The following CRB2 variants were observed in gnomAD, a reference collection of about 807,000 sequenced individuals.
The protein encoded by CRB2 is crumbs cell polarity complex component 2, also known as protein crumbs homolog 2.
In CRB2, 85 loss-of-function variants were observed where a neutral mutation model predicts 110.9. That is an observed-to-expected ratio of 0.77 (90% CI 0.64 to 0.92). CRB2 has a LOEUF of 0.92. CRB2 is among the 40% of genes least tolerant of loss of function. The pLI is 0.00. For missense variants in CRB2, 1,843 were observed against 1,851.3 expected, an observed-to-expected ratio of 1.00 and a Z score of 0.08; for synonymous variants, 907 against 831.0, an observed-to-expected ratio of 1.09 and a Z score of -1.57.
chr9:123,363,618 A>T (rs1239807845), intron 2 of CRB2, among the ~76,000 whole-genome samples: 1 of 151,418 alleles, frequency 6.6e-6, no homozygotes. Context: ...TCATTTGAAC[A>T]CTCCTGATGT....
chr9:123,357,398 T>C (rs571892053), intron 1 of CRB2, among the ~76,000 whole-genome samples: 3 of 152,032 alleles, frequency 2.0e-5, no homozygotes, highest in Admixed American at 6.5e-5. Flanking sequence ...GCCCCAGAGC[T>C]CCACAGGCTG....
Position 123,373,304 on chromosome 9 carries a change from C to T in CRB2, c.2773C>T (p.Arg925Cys), listed in dbSNP as rs1201110422. The T allele has an allele frequency of 4.1e-6, 6 of 1,464,998 alleles. No homozygotes were observed. The highest frequency in any genetic ancestry group is 2.9e-5 in the East Asian group (1 of 34,106). The allele number at this position is 1,464,998 out of a possible 1,614,324, so 90.7% of individuals were successfully genotyped here. Residue 925 changes from arginine to cysteine, a missense_variant, in exon 10 of 13, where the codon CGC (arginine) becomes TGC (cysteine). Transcript: ENST00000373631. The part of the protein sequence containing the change: ...GALEGVWLAV[R>C]NGSLAGGVRG... ...CCTGGAAGGCGTGTGGCTGGCGGTGCGCAATGGCTCGCTGGCGGGGGGCGT... is the reference window on the plus strand; with the variant it reads ...CCTGGAAGGCGTGTGGCTGGCGGTGTGCAATGGCTCGCTGGCGGGGGGCGT...
At position 123,356,218 on chromosome 9, in the gene CRB2, TCC is replaced by T; in HGVS notation, c.-41_-40del. 1 of 1,358,248 alleles carries T rather than the reference TCC, an allele frequency of 7.4e-7. No homozygotes were observed. The highest frequency in any genetic ancestry group is 9.6e-7 in the Non-Finnish European group (1 of 1,040,624). 84.1% of individuals were successfully genotyped at this position (1,358,248 alleles called of 1,614,324 possible). A position where few individuals can be genotyped will look rare whatever the true frequency, so the allele number is the denominator to read the frequency against. On this transcript the variant is annotated 5_prime_UTR_variant, in exon 1 of 13. Transcript: ENST00000373631. ...GGGTGCGGAGCCAGCCAGGCCGCCC[TCC>T]CGTTCTCACAGCAGCCGAGCAGAGC...
At chr9:123,360,808 G>C (rs1331742964) in intron 1 of CRB2, among the ~76,000 whole-genome samples, 2 of 152,152 alleles carry the variant, frequency 1.3e-5, no homozygotes, top group Non-Finnish European at 2.9e-5. Context: ...ATCCACCTCG[G>C]AGGTAAATGC....
At chr9:123,354,900 G>A (rs2132721153), upstream of CRB2, among the ~76,000 whole-genome samples, 1 of 152,298 alleles carries the variant, frequency 6.6e-6, no homozygotes, top group East Asian at 1.9e-4. Context: ...TCCCTCCCCT[G>A]CACTGCAGGG....
chr9:123,369,932 G>A (rs1399830400), intron 6 of CRB2, among the ~76,000 whole-genome samples, 176 bp from the exon 7 acceptor site: 4 of 152,128 alleles, frequency 2.6e-5, no homozygotes, highest in African/African-American at 9.7e-5. Flanking sequence ...GAGAAGGGAA[G>A]GGGCATCTTG....
rs200432598 is a variant in CRB2 at position 123,363,151 on chromosome 9, C to T, written c.381C>T (p.Ala127=). The T allele has an allele frequency of 3.5e-5, 57 of 1,610,282 alleles. No individual in the cohort carries two copies. In the Middle Eastern group the frequency reaches 2.5e-3, roughly 70 times the overall value. ...ATGGGGCCACCTGCCGCAACCTGGC[C>T]GATCGCTACGAGTGCCATTGCCCCC... ...CHHGATCRNL[A]DRYECHCPLG... The change falls in exon 2 of 13, where the codon GCC becomes GCT. Residue 127 remains alanine, a synonymous_variant. Transcript: ENST00000373631.
rs1258433447 is a variant in CRB2 at position 123,365,952 on chromosome 9, T to C, written c.454T>C (p.Ser152Pro). ...TCEMEVDECA[S>P]APCLHGGSCL... ...CGAGATGGAGGTGGACGAGTGCGCC[T>C]CAGCGCCCTGCCTGCACGGGGGCTC... Residue 152 changes from serine (S) to proline (P), a missense_variant, in exon 3 of 13, where the codon TCA becomes CCA. By Grantham distance (74) the Ser-to-Pro change is moderately conservative. Transcript: ENST00000373631. 1.3e-6 allele frequency: 2 copies of C among 1,596,950 alleles called. No individual in the cohort carries two copies. Among genetic ancestry groups the C allele is most frequent in the African/African-American group, 2.7e-5 (2 of 74,768 alleles).
At position 123,370,207 on chromosome 9, in the gene CRB2, C is replaced by T. The variant is rs373818132; in HGVS notation, c.1154C>T (p.Pro385Leu). Residue 385 changes from proline to leucine, a missense_variant, in exon 7 of 13, where the codon CCA (proline) becomes CTA (leucine). Physicochemically the swap from Pro to Leu is moderately conservative, Grantham distance 98. Transcript: ENST00000373631. Reference sequence around the variant, plus strand: ...GTGGCAGGCTATATCTGCAGGTGCCCAGAGACCTGGGGTGGGCGCGACTGT... The same window carrying T: ...GTGGCAGGCTATATCTGCAGGTGCCTAGAGACCTGGGGTGGGCGCGACTGT... ...DTVAGYICRC[P>L]ETWGGRDCSV... The T allele has an allele frequency of 1.2e-6, 2 of 1,613,004 alleles. No individual in the cohort carries two copies. Among genetic ancestry groups the T allele is most frequent in the South Asian group, 1.1e-5 (1 of 91,084 alleles).
rs1291691409 is a variant in CRB2, at chr9:123,371,543, C to T, written c.2401C>T (p.Leu801Phe). 1.9e-6 allele frequency: 3 copies of T among 1,613,156 alleles called. No homozygotes were observed. The highest frequency in any genetic ancestry group is 1.1e-5 in the South Asian group (1 of 91,086). ...SELGGRQSWN[L>F]TAGCVSEDMC... ...GCTCGGCGGCAGGCAGTCCTGGAAC[C>T]TCACTGCGGGCTGCGTCTCCGAGGA... The change falls in exon 8 of 13, where the codon CTC (leucine) becomes TTC (phenylalanine). Residue 801 changes from leucine to phenylalanine, a missense_variant. Transcript: ENST00000373631.
At chr9:123,367,495 C>A in intron 5 of CRB2, 78 bp from the exon 6 acceptor site, 1 of 1,300,856 alleles carries the variant, frequency 7.7e-7, no homozygotes, top group Non-Finnish European at 1.0e-6. Context: ...CTCAGTCTCT[C>A]TAGCTATAGA....
At chr9:123,374,476 T>TTCC in intron 10 of CRB2, 103 bp from the exon 11 acceptor site, 1 of 777,208 alleles carries the variant, frequency 1.3e-6, no homozygotes, top group South Asian at 1.6e-5. Flanking sequence ...AGGCCCTGAG[T>TTCC]TCCATACATG....
At chr9:123,354,518 G>T (rs1403178540), upstream of CRB2, among the ~76,000 whole-genome samples, 1 of 152,252 alleles carries the variant, frequency 6.6e-6, no homozygotes, top group Non-Finnish European at 1.5e-5. Flanking sequence ...GAGGCCCAGA[G>T]AAGGAAGTCA....
rs774472811 is a variant in CRB2, at chr9:123,373,862, C to T, written c.3331C>T (p.His1111Tyr). 24 of 1,554,070 alleles carry T rather than the reference C, an allele frequency of 1.5e-5. No homozygotes were observed. The Admixed American group carries it at 4.3e-4, about 28-fold the overall frequency. The change falls in exon 10 of 13, where the codon CAC (histidine) becomes TAC (tyrosine). Residue 1111 changes from histidine (H) to tyrosine (Y), a missense_variant. Physicochemically the swap from His to Tyr is moderately conservative, Grantham distance 83 (BLOSUM62 2). Coordinates refer to ENST00000373631, the MANE Select transcript of CRB2 (RefSeq NM_173689.7). Reference sequence around the variant, plus strand: ...CTGCGCCCGTGGCCGCTGTCACACGCACCCCGACGGCCGCTTCGAGTGCCG... The same window carrying T: ...CTGCGCCCGTGGCCGCTGTCACACGTACCCCGACGGCCGCTTCGAGTGCCG... ...APCARGRCHT[H>Y]PDGRFECRCP... is the part of the protein sequence containing the mutation.
chr9:123,367,860 G>A (rs997112392), intron 6 of CRB2, among the ~76,000 whole-genome samples, 174 bp downstream of exon 6: 1 of 152,118 alleles, frequency 6.6e-6, no homozygotes, highest in Admixed American at 6.5e-5. Context: ...TTGGAGGTGA[G>A]ACTGGGGCTC....
Position 123,377,035 on chromosome 9 carries a change from G to A in CRB2, c.3831G>A (p.Lys1277=), listed in dbSNP as rs1588224039. The A allele has an allele frequency of 1.3e-6, 2 of 1,597,528 alleles. No individual in the cohort carries two copies. Among genetic ancestry groups the A allele is most frequent in the Non-Finnish European group, 1.7e-6 (2 of 1,171,646 alleles). Residue 1277 remains lysine (K), a synonymous_variant, in exon 13 of 13, where the codon AAG becomes AAA. Transcript: ENST00000373631. ...GARLEMDSVL[K]VPPEERLI is the part of the protein sequence containing the mutation. The stretch of plus-strand genomic sequence containing the variant: ...GGCTGGAGATGGACAGTGTCCTCAA[G>A]GTGCCACCGGAGGAGAGACTCATCT...
chr9:123,376,438 C>A (rs2042104327), intron 12 of CRB2, among the ~76,000 whole-genome samples: 1 of 152,164 alleles, frequency 6.6e-6, no homozygotes, highest in Admixed American at 6.5e-5. Context: ...TGCCACCCTG[C>A]CCCCGCAGGT....
chr9:123,367,435 C>CCCACCCCCG, intron 5 of CRB2, 78 bp downstream of exon 5: 1 of 987,518 alleles, frequency 1.0e-6, no homozygotes, highest in East Asian at 3.3e-5. Flanking sequence ...CCCCACCCCC[C>CCCACCCCCG]CCACCCCCCC....
chr9:123,370,978 A>C lies in CRB2; in HGVS notation c.1925A>C (p.Asp642Ala). ...ARPHRGPTCADEIPAATFGLG... is the reference protein window; with the variant it reads ...ARPHRGPTCAAEIPAATFGLG... Reference sequence around the variant, plus strand: ...CCCCATAGAGGTCCCACGTGCGCTGATGGTGAGGAATAAGCCAGGTGGGAA... The same window carrying C: ...CCCCATAGAGGTCCCACGTGCGCTGCTGGTGAGGAATAAGCCAGGTGGGAA... Residue 642 changes from aspartate to alanine, a missense_variant and splice_region_variant, in exon 7 of 13, where the codon GAT (aspartate) becomes GCT (alanine). Coordinates refer to ENST00000373631, the MANE Select transcript of CRB2 (RefSeq NM_173689.7). The C allele has an allele frequency of 1.2e-6, 2 of 1,601,460 alleles. No individual in the cohort carries two copies. The highest frequency in any genetic ancestry group is 1.7e-6 in the Non-Finnish European group (2 of 1,172,132).
Sources: gnomAD v4.1 joint callset for allele counts (sites outside exome capture counted in the v4.1 genomes callset) on GRCh38, gnomAD v4.1.1 for gene constraint, MANE v1.5 for transcripts, NCBI Gene and HGNC (gene_info 2026-07-23, HGNC 2026-07-21) for gene names.